Variants in SOCS6 observed in about 807,000 individuals in gnomAD.
SOCS6 encodes the protein suppressor of cytokine signaling 6, also known as STAT induced STAT inhibitor-4.
Under a neutral mutation model 27.7 loss-of-function variants are expected in SOCS6, and 5 were observed. The ratio of observed to expected loss-of-function variants is 0.18; its 90% confidence interval spans 0.09 to 0.38. SOCS6 has a LOEUF of 0.38. SOCS6 is among the 10% of genes least tolerant of loss of function. The probability of loss-of-function intolerance (pLI) is 1.00; values close to 1 mark genes in which losing one functional copy is unlikely to be tolerated. For missense variants in SOCS6, 595 were observed against 688.1 expected, an observed-to-expected ratio of 0.86 and a Z score of 1.51; for synonymous variants, 271 against 260.0, an observed-to-expected ratio of 1.04 and a Z score of -0.41.
intron 1 of SOCS6, among the ~76,000 whole-genome samples, chr18:70,309,843 G>C (rs1008609479): frequency 2.4e-4 from 36 of 152,124 alleles, no homozygotes; most frequent in African/African-American, 8.7e-4. Context: ...GCCACCTCAC[G>C]CAGCTAATTG....
chr18:70,315,469 A>C (rs1019728228), intron 1 of SOCS6, among the ~76,000 whole-genome samples: 1 of 152,140 alleles, frequency 6.6e-6, no homozygotes, highest in Non-Finnish European at 1.5e-5. Context: ...TTTTCATAGA[A>C]TTTTCAAAGT....
At chr18:70,314,569 A>AATT (rs2062403862) in intron 1 of SOCS6, among the ~76,000 whole-genome samples, 1 of 152,194 alleles carries the variant, frequency 6.6e-6, no homozygotes, top group Non-Finnish European at 1.5e-5. Flanking sequence ...CTATACCATA[A>AATT]AGCCTAGGTA....
Position 70,325,505 on chromosome 18 carries a change from C to G in SOCS6, c.837C>G (p.Ile279Met). Reference protein sequence around the residue: ...VDQDLVVAPEIFVDQSVNGLL... With the variant: ...VDQDLVVAPEMFVDQSVNGLL... ...AGGACCTAGTTGTCGCCCCAGAGAT[C>G]TTCGTGGATCAGTCCGTGAATGGCT... Residue 279 changes from isoleucine (I) to methionine (M), a missense_variant, in exon 2 of 2, where the codon ATC becomes ATG. Physicochemically the swap from Ile to Met is conservative, Grantham distance 10. This residue lies in a region of SOCS6 where 467 missense variants were observed against 481.1 expected (regional missense o/e 0.97). Transcript: ENST00000397942. The surrounding 1 kb of genome is among the most constrained non-coding windows in gnomAD (Gnocchi z 6.3). 6.2e-7 allele frequency: 1 copy of G among 1,614,138 alleles called. No individual in the cohort carries two copies.
At chr18:70,309,993 T>TTATTTACA (rs2062384115) in intron 1 of SOCS6, among the ~76,000 whole-genome samples, 1 of 152,238 alleles carries the variant, frequency 6.6e-6, no homozygotes, top group South Asian at 2.1e-4. Flanking sequence ...GCCTGTGCTA[T>TTATTTACA]TATTTACATA....
chr18:70,314,505 A>G (rs2062403659), intron 1 of SOCS6, among the ~76,000 whole-genome samples: 1 of 152,166 alleles, frequency 6.6e-6, no homozygotes, highest in African/African-American at 2.4e-5. Context: ...TACATTGCCT[A>G]CAATATTTAG....
intron 1 of SOCS6, among the ~76,000 whole-genome samples, chr18:70,291,128 T>C (rs991983404): frequency 6.6e-6 from 1 of 152,226 alleles, no homozygotes; most frequent in African/African-American, 2.4e-5. Flanking sequence ...GTATCTTCTT[T>C]TTTGTTTTTC....
Position 70,329,360 on chromosome 18 carries a change from A to T in SOCS6, c.*3084A>T, listed in dbSNP as rs967509666. On this transcript the variant is annotated 3_prime_UTR_variant, in exon 2 of 2. Transcript: ENST00000397942. ...AAGGCTAAATCATTGGCATAAAGGAAACAAAACCCAAAGTATGCGTTGTAA... is the reference window on the plus strand; with the variant it reads ...AAGGCTAAATCATTGGCATAAAGGATACAAAACCCAAAGTATGCGTTGTAA... 2 of 167,106 alleles carry T rather than the reference A, an allele frequency of 1.2e-5. No homozygotes were observed. The highest frequency in any genetic ancestry group is 1.3e-4 in the Admixed American group (2 of 15,280). The allele number at this position is 167,106 out of a possible 1,614,324, so 10.4% of individuals were successfully genotyped here. A position where few individuals can be genotyped will look rare whatever the true frequency, so the allele number is the denominator to read the frequency against.
chr18:70,317,107 T>C (rs186243479), intron 1 of SOCS6, among the ~76,000 whole-genome samples: 4 of 152,344 alleles, frequency 2.6e-5, no homozygotes, highest in African/African-American at 7.2e-5. Flanking sequence ...TTTGGTTACA[T>C]GGAAGTTCTT....
chr18:70,305,964 G>A (rs113499411), intron 1 of SOCS6, among the ~76,000 whole-genome samples: 6 of 152,152 alleles, frequency 3.9e-5, no homozygotes, highest in African/African-American at 1.4e-4. Flanking sequence ...CTGGCCAGGC[G>A]TGGGGGCTTA....
chr18:70,304,569 A>G (rs1410069402), intron 1 of SOCS6, among the ~76,000 whole-genome samples: 1 of 152,160 alleles, frequency 6.6e-6, no homozygotes, highest in Non-Finnish European at 1.5e-5. Context: ...TCGTGTGCTT[A>G]TTAGCCATTT....
intron 1 of SOCS6, among the ~76,000 whole-genome samples, chr18:70,306,443 A>G (rs2062369458): frequency 7.2e-6 from 1 of 138,048 alleles, no homozygotes; most frequent in Non-Finnish European, 1.5e-5. Flanking sequence ...AGATCGTGCC[A>G]TTGCACTCCA....
intron 1 of SOCS6, among the ~76,000 whole-genome samples, chr18:70,300,769 A>C (rs41329245): frequency 0.026 from 3,969 of 152,298 alleles, 198 homozygotes; most frequent in African/African-American, 0.088. Context: ...GGAGTGAATC[A>C]CTTGAAAATT....
intron 1 of SOCS6, among the ~76,000 whole-genome samples, chr18:70,320,177 C>T (rs774627381): frequency 7.2e-5 from 11 of 151,920 alleles, no homozygotes; most frequent in Non-Finnish European, 1.3e-4. Context: ...TTAGTAGAGA[C>T]GGGGTTTCAC....
chr18:70,290,340 C>T (rs1250892600), intron 1 of SOCS6, among the ~76,000 whole-genome samples: 1 of 152,170 alleles, frequency 6.6e-6, no homozygotes, highest in Admixed American at 6.5e-5. Flanking sequence ...TGTTTTTAAC[C>T]AACTACCACA....
intron 1 of SOCS6, among the ~76,000 whole-genome samples, chr18:70,316,911 C>G (rs1017356819): frequency 7.9e-5 from 12 of 152,258 alleles, no homozygotes; most frequent in East Asian, 1.9e-4. Flanking sequence ...CACTCTATAT[C>G]CTTACATAAT....
At position 70,302,997 on chromosome 18, in the gene SOCS6, A is replaced by G. The variant is rs113414969; in HGVS notation, c.-127+13907A>G. On this transcript the variant is annotated intron_variant, in intron 1 of 1. Transcript: ENST00000397942. The stretch of plus-strand genomic sequence containing the variant: ...ATGGATTTACTCAACCATTTCCTTT[A>G]AAAAAAAGTAAGAACAAACAAGCTC... 6.3e-4 allele frequency among the ~76,000 whole-genome samples: 88 copies of G among 138,588 alleles called. 1 individual carries two copies. The highest frequency in any genetic ancestry group is 2.1e-3 in the African/African-American group (84 of 40,358). The allele number at this position is 138,588 out of a possible 152,430, so 90.9% of individuals were successfully genotyped here.
intron 1 of SOCS6, among the ~76,000 whole-genome samples, chr18:70,314,668 T>G (rs1430404328): frequency 6.6e-6 from 1 of 152,228 alleles, no homozygotes; most frequent in Non-Finnish European, 1.5e-5. Flanking sequence ...ACATACCTGT[T>G]GTTCAGCTGC....
chr18:70,309,522 T>A (rs765770533), intron 1 of SOCS6, among the ~76,000 whole-genome samples: 30 of 152,242 alleles, frequency 2.0e-4, no homozygotes, highest in Non-Finnish European at 3.1e-4. Context: ...TTTTATTTTT[T>A]AAATAATATT....
chr18:70,306,954 T>C (rs2062372129), intron 1 of SOCS6, among the ~76,000 whole-genome samples: 1 of 152,174 alleles, frequency 6.6e-6, no homozygotes, highest in South Asian at 2.1e-4. Flanking sequence ...CTGAATTCAG[T>C]TTGCTGATGT....
Sources: gnomAD v4.1 joint callset for allele counts (sites outside exome capture counted in the v4.1 genomes callset) on GRCh38, gnomAD v4.1.1 for gene constraint, gnomAD v4.1.1 regional missense constraint, Gnocchi (gnomAD v3.1) non-coding constraint, MANE v1.5 for transcripts, NCBI Gene and HGNC (gene_info 2026-07-23, HGNC 2026-07-21) for gene names.